SCAPER: variants seen among roughly 807,000 people sequenced by gnomAD.
SCAPER encodes S phase cyclin A-associated protein in the endoplasmic reticulum.
A neutral mutation model predicts 182.2 loss-of-function variants in SCAPER; 98 were observed. The observed-to-expected ratio is 0.54, with a 90% CI of 0.46 to 0.64. The LOEUF (loss-of-function observed/expected upper bound fraction) is 0.64, where lower values mean the gene tolerates loss of function less well. Ranked by LOEUF, SCAPER falls within the 30% of genes least tolerant of loss-of-function variation. The pLI is 0.00. For synonymous variants in SCAPER, 605 were observed against 564.6 expected (o/e 1.07, Z -1.01); for missense variants, 1,432 against 1,690.0 (o/e 0.85, Z 2.68).
chr15:76,568,062 T>A (rs188543131), intron 23 of SCAPER, among the ~76,000 whole-genome samples: 51 of 152,054 alleles, frequency 3.4e-4, no homozygotes, highest in African/African-American at 1.1e-3. Context: ...TAACATTTTT[T>A]AAAAAACAAG....
intron 25 of SCAPER, among the ~76,000 whole-genome samples, chr15:76,450,635 C>A (rs1046116595): frequency 6.6e-6 from 1 of 152,140 alleles, no homozygotes; most frequent in Non-Finnish European, 1.5e-5. Context: ...CTCACTGCAA[C>A]CTCCACCTCC....
intron 22 of SCAPER, among the ~76,000 whole-genome samples, chr15:76,576,612 G>C (rs1161598839): frequency 6.6e-6 from 1 of 152,142 alleles, no homozygotes; most frequent in Non-Finnish European, 1.5e-5. Context: ...CACAGTACCT[G>C]ATTTTAACTT....
intron 22 of SCAPER, among the ~76,000 whole-genome samples, chr15:76,618,396 C>T (rs2051695249): frequency 6.6e-6 from 1 of 151,952 alleles, no homozygotes; most frequent in Non-Finnish European, 1.5e-5. Flanking sequence ...AAAATTTTTC[C>T]TAGAAATTCT....
intron 1 of SCAPER, 24 bp downstream of exon 1, chr15:76,905,275 C>T (rs764787394): frequency 3.1e-4 from 80 of 261,446 alleles, no homozygotes; most frequent in Non-Finnish European, 5.4e-4. Context: ...GTCTGCGCTA[C>T]GCACGCCCCT....
chr15:76,393,840 G>T (rs1280561213), intron 27 of SCAPER, among the ~76,000 whole-genome samples: 1 of 152,168 alleles, frequency 6.6e-6, no homozygotes, highest in African/African-American at 2.4e-5. Flanking sequence ...AGCCAATTAA[G>T]CCTATGCAGA....
At chr15:76,867,120 A>G (rs1168351206) in intron 2 of SCAPER, among the ~76,000 whole-genome samples, 1 of 152,206 alleles carries the variant, frequency 6.6e-6, no homozygotes, top group African/African-American at 2.4e-5. Flanking sequence ...GGTTTAAAAT[A>G]TCTAAATAAT....
At chr15:76,428,894 A>ATAT (rs71143324) in intron 26 of SCAPER, among the ~76,000 whole-genome samples, 2 of 138,122 alleles carry the variant, frequency 1.4e-5, no homozygotes, top group Non-Finnish European at 1.5e-5. Context: ...ATATATATAT[A>ATAT]AACATCAAAA....
At chr15:76,686,223 A>G (rs2058032254) in intron 20 of SCAPER, among the ~76,000 whole-genome samples, 1 of 152,050 alleles carries the variant, frequency 6.6e-6, no homozygotes. Flanking sequence ...GGAAAAGTAA[A>G]CAACCCAATA....
At chr15:76,668,000 T>C (rs1472193455) in intron 20 of SCAPER, among the ~76,000 whole-genome samples, 1 of 152,062 alleles carries the variant, frequency 6.6e-6, no homozygotes, top group Admixed American at 6.6e-5. Flanking sequence ...AAATCTCCAG[T>C]TAGGTGGAAC....
chr15:76,744,033 T>C (rs1197770391), intron 15 of SCAPER, among the ~76,000 whole-genome samples: 3 of 152,054 alleles, frequency 2.0e-5, no homozygotes, highest in African/African-American at 4.8e-5. Flanking sequence ...AAACAAGCAA[T>C]GGGAAAAGGA....
In SCAPER at chr15:76,471,338, A is replaced by G. The variant is rs1567208713; in HGVS notation, c.2955-3T>C. ...CATTGATTGCATTGCAGAGAGACCT[A>G]AAAGAAGGAGAAAAACACCATTTAT... On this transcript the variant is annotated splice_region_variant and splice_polypyrimidine_tract_variant and intron_variant, in intron 24 of 31. Coordinates refer to ENST00000563290, the MANE Select transcript of SCAPER (RefSeq NM_020843.4). The G allele has an allele frequency of 1.3e-6, 2 of 1,598,112 alleles. No homozygotes were observed.
chr15:76,830,243 T>C (rs1475515079), intron 5 of SCAPER, among the ~76,000 whole-genome samples: 1 of 152,014 alleles, frequency 6.6e-6, no homozygotes, highest in Non-Finnish European at 1.5e-5. Flanking sequence ...TGGTGTGAAA[T>C]GAAGAATTCA....
intron 1 of SCAPER, 144 bp downstream of exon 1, chr15:76,905,155 C>G (rs1475691811): frequency 6.4e-6 from 1 of 155,960 alleles, no homozygotes; most frequent in African/African-American, 2.4e-5. Flanking sequence ...CCGCTCAACT[C>G]GCACTCCCAG....
intron 27 of SCAPER, among the ~76,000 whole-genome samples, chr15:76,393,805 G>C (rs978989655): frequency 6.6e-6 from 1 of 152,168 alleles, no homozygotes; most frequent in Non-Finnish European, 1.5e-5. Flanking sequence ...CTTGTTCTTG[G>C]AACACAGCCA....
intron 24 of SCAPER, among the ~76,000 whole-genome samples, chr15:76,488,716 T>C (rs2051935945): frequency 1.0e-4 from 1 of 9,922 alleles, no homozygotes; most frequent in African/African-American, 2.4e-4. Flanking sequence ...TACACTGCCT[T>C]TTTTTTTTTT....
chr15:76,531,811 C>G (rs548640727), intron 23 of SCAPER, among the ~76,000 whole-genome samples: 1 of 152,208 alleles, frequency 6.6e-6, no homozygotes, highest in South Asian at 2.1e-4. Flanking sequence ...GTCTACTGAC[C>G]AGTCTTCAGT....
At chr15:76,433,093 A>G (rs2046971240) in intron 26 of SCAPER, among the ~76,000 whole-genome samples, 1 of 152,236 alleles carries the variant, frequency 6.6e-6, no homozygotes, top group Admixed American at 6.5e-5. Flanking sequence ...GTCTGAACCT[A>G]ATTTATAACC....
chr15:76,462,668 A>C (rs1000473935), intron 25 of SCAPER, among the ~76,000 whole-genome samples: 11 of 152,140 alleles, frequency 7.2e-5, no homozygotes, highest in African/African-American at 2.7e-4. Context: ...GTAGTCATTT[A>C]ATTATTTTAG....
chr15:76,577,820 G>A (rs1245757898), intron 22 of SCAPER, among the ~76,000 whole-genome samples: 1 of 151,996 alleles, frequency 6.6e-6, no homozygotes, highest in Non-Finnish European at 1.5e-5. Context: ...TTGAGAAAAG[G>A]GGAGGGAAGA....
Sources: gnomAD v4.1 joint callset for allele counts (sites outside exome capture counted in the v4.1 genomes callset) on GRCh38, gnomAD v4.1.1 for gene constraint, MANE v1.5 for transcripts, NCBI Gene and HGNC (gene_info 2026-07-23, HGNC 2026-07-21) for gene names.